The following LRFN5 variants were observed in gnomAD, a reference collection of about 807,000 sequenced individuals.
The protein encoded by LRFN5 is leucine-rich repeat and fibronectin type-III domain-containing protein 5.
Under a neutral mutation model 45.6 loss-of-function variants are expected in LRFN5, and 24 were observed. That is an observed-to-expected ratio of 0.53 (90% confidence interval 0.38 to 0.74). The LOEUF (loss-of-function observed/expected upper bound fraction) is 0.74. Among genes scored for constraint, LRFN5 ranks in the 30% least tolerant of loss-of-function variants. The pLI, the probability that LRFN5 is intolerant of heterozygous loss-of-function variation, is 0.00. For missense variants in LRFN5, 776 were observed against 861.5 expected, an observed-to-expected ratio of 0.90 and a Z score of 1.24; for synonymous variants, 340 against 313.8, an observed-to-expected ratio of 1.08 and a Z score of -0.88.
intron 1 of LRFN5, among the ~76,000 whole-genome samples, chr14:41,729,994 A>G (rs74046698): frequency 2.4e-3 from 363 of 152,094 alleles, no homozygotes; most frequent in African/African-American, 8.4e-3. Context: ...TTGAAACCAA[A>G]TCGTATATAA....
Position 41,795,478 on chromosome 14 carries a change from G to A in LRFN5, c.-21+28449G>A, listed in dbSNP as rs181185841. Among the ~76,000 whole-genome samples, 18 of 152,134 alleles carry A rather than the reference G, an allele frequency of 1.2e-4. No individual in the cohort carries two copies. In the East Asian group the frequency reaches 2.1e-3, roughly 18 times the overall value. ...TGCTGCTATAAAGACACATGCACAC[G>A]TATGTTTATTGTGGCACTATTACAA... On this transcript the variant is annotated intron_variant, in intron 2 of 5. Coordinates refer to ENST00000298119, the MANE Select transcript of LRFN5 (RefSeq NM_152447.5).
At chr14:41,814,042 C>T (rs1887831866) in intron 2 of LRFN5, among the ~76,000 whole-genome samples, 1 of 151,918 alleles carries the variant, frequency 6.6e-6, no homozygotes, top group African/African-American at 2.4e-5. Context: ...GTTTAAGTTC[C>T]TTGAGATTCT....
chr14:41,705,914 A>G (rs548436939), intron 1 of LRFN5, among the ~76,000 whole-genome samples: 2 of 152,290 alleles, frequency 1.3e-5, no homozygotes, highest in South Asian at 4.1e-4. Context: ...ACGTATACAC[A>G]TTAATCATTT....
chr14:41,773,287 A>G (rs1445614470), intron 2 of LRFN5, among the ~76,000 whole-genome samples: 1 of 152,134 alleles, frequency 6.6e-6, no homozygotes. Context: ...TTTTGCCTGC[A>G]TCTCATTCAG....
At chr14:41,758,388 C>A (rs550722814) in intron 1 of LRFN5, among the ~76,000 whole-genome samples, 1 of 152,242 alleles carries the variant, frequency 6.6e-6, no homozygotes, top group South Asian at 2.1e-4. Flanking sequence ...TTCATATAAA[C>A]TACTTTCAAA....
chr14:41,822,599 T>G (rs1422878681), intron 2 of LRFN5, among the ~76,000 whole-genome samples: 1 of 152,084 alleles, frequency 6.6e-6, no homozygotes, highest in East Asian at 1.9e-4. Flanking sequence ...TTCTATATGC[T>G]GATGAGAAAA....
intron 1 of LRFN5, among the ~76,000 whole-genome samples, chr14:41,719,484 T>C (rs77975588): frequency 0.015 from 2,330 of 152,172 alleles, 56 homozygotes; most frequent in African/African-American, 0.052. Flanking sequence ...TAATAGTTAT[T>C]ATTGCAAGTC....
At chr14:41,627,066 G>A (rs1594561973) in intron 1 of LRFN5, among the ~76,000 whole-genome samples, 1 of 152,048 alleles carries the variant, frequency 6.6e-6, no homozygotes, top group Non-Finnish European at 1.5e-5. Context: ...AGTATAAAAG[G>A]ATAGTTTTCA....
chr14:41,756,252 G>A, intron 1 of LRFN5, among the ~76,000 whole-genome samples: 1 of 150,394 alleles, frequency 6.6e-6, no homozygotes, highest in South Asian at 2.1e-4. Context: ...TCTTGGAGTT[G>A]CTCTTCTCGA....
intron 3 of LRFN5, among the ~76,000 whole-genome samples, chr14:41,890,005 A>T (rs1890719044): frequency 6.6e-6 from 1 of 152,106 alleles, no homozygotes; most frequent in Non-Finnish European, 1.5e-5. Context: ...CTGGGACTAC[A>T]GGTGCCCGCC....
At chr14:41,713,468 T>C (rs1221680836) in intron 1 of LRFN5, among the ~76,000 whole-genome samples, 1 of 151,966 alleles carries the variant, frequency 6.6e-6, no homozygotes, top group Non-Finnish European at 1.5e-5. Context: ...ACTGAAGATA[T>C]ATGTAACACA....
At position 41,809,676 on chromosome 14, in the gene LRFN5, T is replaced by G. The variant is rs565755361; in HGVS notation, c.-21+42647T>G. Among the ~76,000 whole-genome samples the G allele has an allele frequency of 5.3e-5, 8 of 151,710 alleles. No homozygotes were observed. The South Asian group carries it at 1.7e-3, about 31-fold the overall frequency. On this transcript the variant is annotated intron_variant, in intron 2 of 5. Coordinates refer to ENST00000298119, the MANE Select transcript of LRFN5 (RefSeq NM_152447.5). ...ATGTTTATGTATTTTTGTATCATAT[T>G]TACATATTTTTATATTTAATATTTA...
intron 2 of LRFN5, among the ~76,000 whole-genome samples, chr14:41,839,938 TATAA>T (rs1888801861): frequency 6.6e-6 from 1 of 152,240 alleles, no homozygotes; most frequent in Admixed American, 6.6e-5. Flanking sequence ...CTGTTTGTAC[TATAA>T]ATAGTCACAT....
intron 2 of LRFN5, among the ~76,000 whole-genome samples, chr14:41,870,022 AACAGTAC>A (rs1384806081): frequency 6.6e-6 from 1 of 152,164 alleles, no homozygotes; most frequent in Non-Finnish European, 1.5e-5. Flanking sequence ...GAGGGCTTAA[AACAGTAC>A]ACATGTATTA....
chr14:41,873,414 A>C (rs1026262143), intron 2 of LRFN5, among the ~76,000 whole-genome samples: 3 of 91,692 alleles, frequency 3.3e-5, no homozygotes, highest in Non-Finnish European at 6.9e-5. Flanking sequence ...AAAGAGAGAG[A>C]GAGACAGAGA....
intron 1 of LRFN5, among the ~76,000 whole-genome samples, chr14:41,632,341 C>T (rs937635606): frequency 3.9e-5 from 6 of 152,132 alleles, no homozygotes; most frequent in South Asian, 2.1e-4. Flanking sequence ...TGGTGGCTCA[C>T]GCCTGTAATC....
chr14:41,712,459 T>C (rs1883325498), intron 1 of LRFN5, among the ~76,000 whole-genome samples: 1 of 152,296 alleles, frequency 6.6e-6, no homozygotes, highest in Middle Eastern at 3.4e-3. Flanking sequence ...GCGTTAGTTT[T>C]GTATCTAGAT....
At chr14:41,895,273 T>G (rs1345359011) in intron 4 of LRFN5, among the ~76,000 whole-genome samples, 3 of 152,206 alleles carry the variant, frequency 2.0e-5, no homozygotes, top group Admixed American at 6.5e-5. Flanking sequence ...TGATGGATAT[T>G]ATTTATGTTA....
intron 2 of LRFN5, among the ~76,000 whole-genome samples, chr14:41,776,777 T>C (rs1009341623): frequency 6.6e-6 from 1 of 152,136 alleles, no homozygotes; most frequent in Non-Finnish European, 1.5e-5. Flanking sequence ...TTGTTTAAGC[T>C]ATCTTTCTCT....
Sources: allele counts gnomAD v4.1 joint callset (sites outside exome capture counted in the v4.1 genomes callset), GRCh38; gene constraint gnomAD v4.1.1; transcripts MANE v1.5; gene names NCBI Gene and HGNC (gene_info 2026-07-23, HGNC 2026-07-21).